The following PXMP4 variants were observed in gnomAD, a reference collection of about 807,000 sequenced individuals.
PXMP4 encodes the protein peroxisomal membrane protein 4.
Under a neutral mutation model 21.6 loss-of-function variants are expected in PXMP4, and 16 were observed. That is an observed-to-expected ratio of 0.74 (90% CI 0.50 to 1.13). The LOEUF is 1.13. Among genes scored for constraint, PXMP4 ranks in the 50% most tolerant of loss-of-function variants. The pLI, the probability that PXMP4 is intolerant of heterozygous loss-of-function variation, is 0.00. For synonymous variants in PXMP4, 127 were observed against 123.8 expected (o/e 1.03, Z -0.17); for missense variants, 240 against 277.7 (o/e 0.86, Z 0.96).
chr20:33,705,604 CA>C lies in PXMP4; in HGVS notation c.*2101del, dbSNP rs772158398. The stretch of plus-strand genomic sequence containing the variant: ...TGGGCGAGAGAGCAAGACTCTGTCT[CA>C]AAAAAAAAAAAAAAAGAAAAAATCA... On this transcript the variant is annotated 3_prime_UTR_variant, in exon 4 of 4. Transcript: ENST00000409299. The C allele has an allele frequency of 2.7e-3, 275 of 101,384 alleles. No individual in the cohort carries two copies. Among genetic ancestry groups the C allele is most frequent in the Middle Eastern group, 4.7e-3 (1 of 214 alleles). 6.3% of individuals were successfully genotyped at this position (101,384 alleles called of 1,614,324 possible).
In PXMP4 at chr20:33,706,563, C is replaced by T. The variant is rs540159277; in HGVS notation, c.*1143G>A. 6.6e-6 allele frequency: 1 copy of T among 152,256 alleles called. No individual in the cohort carries two copies. The highest frequency in any genetic ancestry group is 2.1e-4 in the South Asian group (1 of 4,822). The allele number at this position is 152,256 out of a possible 1,614,324, so 9.4% of individuals were successfully genotyped here. A position where few individuals can be genotyped will look rare whatever the true frequency, so the allele number is the denominator to read the frequency against. On this transcript the variant is annotated 3_prime_UTR_variant, in exon 4 of 4. Transcript: ENST00000409299. ...AGGACCACGGCATTATGATTATCCT[C>T]ATTTTATGATAAATTGAGGCTCTGA...
At chr20:33,708,422 G>C (rs2018287516) in intron 3 of PXMP4, among the ~76,000 whole-genome samples, 1 of 151,896 alleles carries the variant, frequency 6.6e-6, no homozygotes, top group South Asian at 2.1e-4. Flanking sequence ...CCTGACCTCA[G>C]ATGATCTGCC....
chr20:33,714,986 A>G (rs193229221), intron 1 of PXMP4, among the ~76,000 whole-genome samples: 1 of 152,248 alleles, frequency 6.6e-6, no homozygotes, highest in African/African-American at 2.4e-5. Context: ...TTATTTAGCG[A>G]CAGAGCCTCA....
At position 33,720,225 on chromosome 20, in the gene PXMP4, G is replaced by C; in HGVS notation, c.-18C>G. ...GCTGCCATAGTGCGGGCTGCGCGCAGGGTCGGGGTTAGGAACTGTAAGCGC... is the reference window on the plus strand; with the variant it reads ...GCTGCCATAGTGCGGGCTGCGCGCACGGTCGGGGTTAGGAACTGTAAGCGC... On this transcript the variant is annotated 5_prime_UTR_variant, in exon 1 of 4. Transcript: ENST00000409299. 1 of 1,599,470 alleles carries C rather than the reference G, an allele frequency of 6.3e-7. No homozygotes were observed. The highest frequency in any genetic ancestry group is 1.3e-5 in the African/African-American group (1 of 74,614).
rs2018273596 is a variant in PXMP4 at position 33,707,731 on chromosome 20, T to C, written c.614A>G (p.Tyr205Cys). The change falls in exon 4 of 4, where the codon TAT becomes TGT. Residue 205 changes from tyrosine (Y) to cysteine (C), a missense_variant. Tyr to Cys is a radical substitution (Grantham distance 194). Coordinates refer to ENST00000409299, the MANE Select transcript of PXMP4 (RefSeq NM_007238.5). ...TTAATTGGAGGGACGGCTCTTGTTA[T>C]AGACGAGGAAGTCTGAGATGTCGTG... ...VWHDISDFLV[Y>C]NKSRPSN 1.2e-6 allele frequency: 2 copies of C among 1,614,096 alleles called. No homozygotes were observed. The highest frequency in any genetic ancestry group is 1.7e-6 in the Non-Finnish European group (2 of 1,179,990).
chr20:33,714,498 CAGAG>C (rs1343048437), intron 2 of PXMP4, among the ~76,000 whole-genome samples, 172 bp downstream of exon 2: 3 of 151,800 alleles, frequency 2.0e-5, no homozygotes, highest in South Asian at 2.1e-4. Context: ...ACCTGGGTGA[CAGAG>C]AGAGACTCCA....
At chr20:33,719,838 G>C (rs1010876860) in intron 1 of PXMP4, among the ~76,000 whole-genome samples, 1 of 152,260 alleles carries the variant, frequency 6.6e-6, no homozygotes, top group African/African-American at 2.4e-5. Context: ...GCTGGCATGG[G>C]AGGAGTCAAA....
At chr20:33,709,188 G>C (rs1462439162) in intron 3 of PXMP4, among the ~76,000 whole-genome samples, 1 of 152,130 alleles carries the variant, frequency 6.6e-6, no homozygotes, top group South Asian at 2.1e-4. Context: ...CAGCTACTTG[G>C]GAGGCTGAGA....
At chr20:33,708,187 T>C (rs974594950) in intron 3 of PXMP4, among the ~76,000 whole-genome samples, 4 of 151,832 alleles carry the variant, frequency 2.6e-5, no homozygotes, top group African/African-American at 7.3e-5. Flanking sequence ...TACTAATTTT[T>C]TTTTTTTTTT....
chr20:33,718,899 C>CT (rs1268122115), intron 1 of PXMP4, among the ~76,000 whole-genome samples: 2 of 152,196 alleles, frequency 1.3e-5, no homozygotes, highest in African/African-American at 4.8e-5. Context: ...ATGAAACTTT[C>CT]TTTTTTTTCC....
At chr20:33,708,513 C>A (rs894657328) in intron 3 of PXMP4, among the ~76,000 whole-genome samples, 1 of 149,810 alleles carries the variant, frequency 6.7e-6, no homozygotes, top group Non-Finnish European at 1.5e-5. Context: ...TTTATTGCTT[C>A]TTTTCTTCAG....
At chr20:33,717,455 A>G (rs1254153772) in intron 1 of PXMP4, among the ~76,000 whole-genome samples, 1 of 150,694 alleles carries the variant, frequency 6.6e-6, no homozygotes, top group Non-Finnish European at 1.5e-5. Flanking sequence ...CCCGGCTAAA[A>G]CGGTGAAACC....
In PXMP4 at chr20:33,707,716, G is replaced by A. The variant is rs1320587490; in HGVS notation, c.629C>T (p.Pro210Leu). The change falls in exon 4 of 4, where the codon CCC becomes CTC. Residue 210 changes from proline to leucine, a missense_variant. Physicochemically the swap from Pro to Leu is moderately conservative, Grantham distance 98. Coordinates refer to ENST00000409299, the MANE Select transcript of PXMP4 (RefSeq NM_007238.5). The stretch of plus-strand genomic sequence containing the variant: ...CACCTCAGGGCTGCATTAATTGGAG[G>A]GACGGCTCTTGTTATAGACGAGGAA... ...SDFLVYNKSR[P>L]SN 1.2e-6 allele frequency: 2 copies of A among 1,613,748 alleles called. No individual in the cohort carries two copies. Among genetic ancestry groups the A allele is most frequent in the Non-Finnish European group, 1.7e-6 (2 of 1,179,896 alleles).
At chr20:33,718,327 G>A (rs1341948066) in intron 1 of PXMP4, among the ~76,000 whole-genome samples, 2 of 151,804 alleles carry the variant, frequency 1.3e-5, no homozygotes, top group African/African-American at 4.8e-5. Context: ...TGGCTAACAC[G>A]GTGAAACCCT....
At chr20:33,712,574 C>T (rs1042220068) in intron 2 of PXMP4, among the ~76,000 whole-genome samples, 1 of 152,194 alleles carries the variant, frequency 6.6e-6, no homozygotes, top group Admixed American at 6.5e-5. Context: ...CTCAGCCTCC[C>T]GAGTAGCTGG....
rs1387408287 is a variant in PXMP4 at position 33,703,675 on chromosome 20, G to C, written c.*4031C>G. The C allele has an allele frequency of 6.6e-6, 1 of 152,486 alleles. No individual in the cohort carries two copies. The allele number at this position is 152,486 out of a possible 1,614,324, so 9.4% of individuals were successfully genotyped here. On this transcript the variant is annotated 3_prime_UTR_variant, in exon 4 of 4. Transcript: ENST00000409299. ...GCTCAGCCCTGCTGGGCGGCCCTGGGAGTCAGTGTGGAGCACGCACCTCTG... is the reference window on the plus strand; with the variant it reads ...GCTCAGCCCTGCTGGGCGGCCCTGGCAGTCAGTGTGGAGCACGCACCTCTG...
rs1389710836 is a variant in PXMP4 at position 33,705,498 on chromosome 20, G to A, written c.*2208C>T. 1 of 151,922 alleles carries A rather than the reference G, an allele frequency of 6.6e-6. No individual in the cohort carries two copies. The highest frequency in any genetic ancestry group is 2.4e-5 in the African/African-American group (1 of 41,388). 9.4% of individuals were successfully genotyped at this position (151,922 alleles called of 1,614,324 possible). ...CACCTGTAGGCCCAGCTACTCCGGA[G>A]GCTGAGGCAGGAGAATGGTGTAAGT... On this transcript the variant is annotated 3_prime_UTR_variant, in exon 4 of 4. Coordinates refer to ENST00000409299, the MANE Select transcript of PXMP4 (RefSeq NM_007238.5).
chr20:33,710,556 TG>T lies in PXMP4; in HGVS notation c.373del (p.Gln125ArgfsTer14), dbSNP rs2018315802. 6.4e-7 allele frequency: 1 copy of T among 1,551,522 alleles called. No homozygotes were observed. Among genetic ancestry groups the T allele is most frequent in the Non-Finnish European group, 8.8e-7 (1 of 1,139,984 alleles). ...CCCCCATCTCGGGAGGATCTTTACC[TG>T]GCTGTTGATGTTATTGTTTTCTCCA... ...VFGENNNINS[Q>X]INMYLLSRVL... On this transcript the variant is annotated frameshift_variant and splice_region_variant, in exon 3 of 4. Transcript: ENST00000409299. LOFTEE classifies it high-confidence loss of function.
rs147665270 is a variant in PXMP4 at position 33,712,717 on chromosome 20, G to A, written c.176+1957C>T. The stretch of plus-strand genomic sequence containing the variant: ...GCAATCTCGGCTCACTGCAATCTCC[G>A]CCTCTCAGGTTCAAGCAATTCTCCT... On this transcript the variant is annotated intron_variant, in intron 2 of 3. Transcript: ENST00000409299. Among the ~76,000 whole-genome samples the A allele has an allele frequency of 1.7e-3, 264 of 152,142 alleles. 1 individual carries two copies. The highest frequency in any genetic ancestry group is 6.1e-3 in the African/African-American group (252 of 41,508).
Sources: allele counts gnomAD v4.1 joint callset (sites outside exome capture counted in the v4.1 genomes callset), GRCh38; gene constraint gnomAD v4.1.1; transcripts MANE v1.5; gene names NCBI Gene and HGNC (gene_info 2026-07-23, HGNC 2026-07-21).